MEOX2: variants seen among roughly 807,000 people sequenced by gnomAD.
MEOX2 encodes mesenchyme homeobox 2.
A neutral mutation model predicts 27.0 loss-of-function variants in MEOX2; 11 were observed. That is an observed-to-expected ratio of 0.41 (90% CI 0.26 to 0.68). The LOEUF is 0.68. MEOX2 is among the 30% of genes least tolerant of loss of function. The pLI is 0.33. For missense variants in MEOX2, 436 were observed against 385.4 expected, an observed-to-expected ratio of 1.13 and a Z score of -1.10; for synonymous variants, 189 against 155.4, an observed-to-expected ratio of 1.22 and a Z score of -1.61.
At chr7:15,619,833 C>A (rs1583740101) in intron 2 of MEOX2, among the ~76,000 whole-genome samples, 1 of 152,004 alleles carries the variant, frequency 6.6e-6, no homozygotes, top group South Asian at 2.1e-4. Context: ...TAAATATTTA[C>A]ATTTATTAGG....
In MEOX2 at chr7:15,625,155, C is replaced by T. The variant is rs1781281148; in HGVS notation, c.690+1591G>A. 3.3e-5 allele frequency among the ~76,000 whole-genome samples: 5 copies of T among 152,272 alleles called. 1 individual carries two copies. In the South Asian group the frequency reaches 1.0e-3, roughly 32 times the overall value. On this transcript the variant is annotated intron_variant, in intron 2 of 2. Coordinates refer to ENST00000262041, the MANE Select transcript of MEOX2 (RefSeq NM_005924.5). ...TAGTTCCTTCATCTACTATATAAAA[C>T]ACGGTTGCATTTCCTAGAATTCACC... is the stretch of plus-strand genomic sequence containing the variant.
chr7:15,666,520 A>G (rs1323041118), intron 1 of MEOX2, among the ~76,000 whole-genome samples: 1 of 151,218 alleles, frequency 6.6e-6, no homozygotes, highest in African/African-American at 2.4e-5. Flanking sequence ...TTGGGAGGCC[A>G]AGGCGGGCAG....
intron 1 of MEOX2, among the ~76,000 whole-genome samples, chr7:15,669,034 AAGTC>A (rs1369164854): frequency 2.0e-5 from 3 of 152,206 alleles, no homozygotes; most frequent in Non-Finnish European, 2.9e-5. Flanking sequence ...AATTTGCAAA[AAGTC>A]AGATTTATTA....
At chr7:15,678,628 A>G (rs538464753) in intron 1 of MEOX2, among the ~76,000 whole-genome samples, 1 of 152,234 alleles carries the variant, frequency 6.6e-6, no homozygotes, top group African/African-American at 2.4e-5. Context: ...TGCAGTCCAG[A>G]CAGTGGACAA....
At chr7:15,646,718 C>T (rs1374880515) in intron 1 of MEOX2, among the ~76,000 whole-genome samples, 1 of 151,872 alleles carries the variant, frequency 6.6e-6, no homozygotes, top group East Asian at 1.9e-4. Context: ...TTGAAAAGAG[C>T]ACCAATATTT....
intron 1 of MEOX2, among the ~76,000 whole-genome samples, chr7:15,676,981 A>G (rs773223289): frequency 6.6e-6 from 1 of 152,304 alleles, no homozygotes; most frequent in African/African-American, 2.4e-5. Context: ...GAGAGGTCCA[A>G]GTAAAAGAGG....
At chr7:15,634,135 AC>A (rs1249665165) in intron 1 of MEOX2, among the ~76,000 whole-genome samples, 2 of 151,958 alleles carry the variant, frequency 1.3e-5, no homozygotes, top group Non-Finnish European at 2.9e-5. Context: ...AAAATTTGAA[AC>A]CAAAATCATT....
intron 1 of MEOX2, among the ~76,000 whole-genome samples, chr7:15,633,062 A>G (rs146816135): frequency 6.6e-6 from 1 of 152,002 alleles, no homozygotes; most frequent in East Asian, 1.9e-4. Context: ...AGCTCCCTTC[A>G]AACTCCTTTT....
At chr7:15,680,322 AAATTCAATATTTTTAT>A (rs1782272871) in intron 1 of MEOX2, 1 of 151,984 alleles carries the variant, frequency 6.6e-6, no homozygotes, top group African/African-American at 2.4e-5. Context: ...ATTCTTTAAA[AAATTCAATATTTTTAT>A]AATGTAAGTA....
intron 1 of MEOX2, among the ~76,000 whole-genome samples, chr7:15,639,780 T>C (rs1264356547): frequency 6.6e-6 from 1 of 152,118 alleles, no homozygotes; most frequent in Non-Finnish European, 1.5e-5. Flanking sequence ...ATTAGGAGTG[T>C]GGCTTTATTT....
In MEOX2 at chr7:15,622,663, T is replaced by A. The variant is rs977965318; in HGVS notation, c.690+4083A>T. 4.6e-5 allele frequency among the ~76,000 whole-genome samples: 7 copies of A among 152,186 alleles called. No homozygotes were observed. The South Asian group carries it at 1.0e-3, about 22-fold the overall frequency. ...TAGGGAAGGATGTTGTTTAAGATTATATAGGGTCAAGATATAGATTACATG... is the reference window on the plus strand; with the variant it reads ...TAGGGAAGGATGTTGTTTAAGATTAAATAGGGTCAAGATATAGATTACATG... On this transcript the variant is annotated intron_variant, in intron 2 of 2. Transcript: ENST00000262041.
chr7:15,634,367 C>T (rs571566143), intron 1 of MEOX2, among the ~76,000 whole-genome samples: 45 of 152,052 alleles, frequency 3.0e-4, no homozygotes, highest in African/African-American at 8.2e-4. Context: ...TGTAGCAAAC[C>T]TCAACCCTAA....
At chr7:15,625,221 A>G (rs148643362) in intron 2 of MEOX2, among the ~76,000 whole-genome samples, 1 of 152,212 alleles carries the variant, frequency 6.6e-6, no homozygotes, top group East Asian at 1.9e-4. Flanking sequence ...CTCCCTCCAC[A>G]TACACCTTTT....
intron 1 of MEOX2, among the ~76,000 whole-genome samples, chr7:15,656,902 T>G (rs1781829549): frequency 6.6e-6 from 1 of 152,092 alleles, no homozygotes; most frequent in Admixed American, 6.6e-5. Context: ...TCTCTTAGTC[T>G]TCCTTCACTT....
Position 15,686,253 on chromosome 7 carries a change from G to A in MEOX2, c.150C>T (p.Ile50=). The change falls in exon 1 of 3, where the codon ATC becomes ATT. Residue 50 remains isoleucine, a synonymous_variant. Coordinates refer to ENST00000262041, the MANE Select transcript of MEOX2 (RefSeq NM_005924.5). The stretch of plus-strand genomic sequence containing the variant: ...TGCCCTCTTCGTTGGGGTATCCCGC[G>A]ATTATGCAAGATGAGGAAGAAGTAG... ...ELSTSSSSCI[I]AGYPNEEGMF... The A allele has an allele frequency of 6.2e-7, 1 of 1,612,934 alleles. No individual in the cohort carries two copies. Among genetic ancestry groups the A allele is most frequent in the Non-Finnish European group, 8.5e-7 (1 of 1,179,478 alleles).
At chr7:15,638,791 C>T (rs1781520651) in intron 1 of MEOX2, among the ~76,000 whole-genome samples, 1 of 152,094 alleles carries the variant, frequency 6.6e-6, no homozygotes, top group Non-Finnish European at 1.5e-5. Flanking sequence ...TCCATCTCTA[C>T]TGCTGTAGAG....
intron 1 of MEOX2, among the ~76,000 whole-genome samples, chr7:15,663,442 C>T (rs73060507): frequency 0.21 from 31,543 of 151,480 alleles, 4,120 homozygotes; most frequent in East Asian, 0.4. Flanking sequence ...AAGCAAGTCT[C>T]CTGCCTCAGC....
At chr7:15,617,104 A>G (rs1027516035) in intron 2 of MEOX2, among the ~76,000 whole-genome samples, 1 of 152,032 alleles carries the variant, frequency 6.6e-6, no homozygotes, top group Non-Finnish European at 1.5e-5. Flanking sequence ...ATATAATGCA[A>G]TAACCCATAT....
intron 1 of MEOX2, among the ~76,000 whole-genome samples, chr7:15,636,578 T>C (rs1315459258): frequency 6.6e-6 from 1 of 152,012 alleles, no homozygotes; most frequent in Non-Finnish European, 1.5e-5. Flanking sequence ...TTGTGATTGT[T>C]TTTTGCAAAG....
Sources: gnomAD v4.1 joint callset for allele counts (sites outside exome capture counted in the v4.1 genomes callset) on GRCh38, gnomAD v4.1.1 for gene constraint, MANE v1.5 for transcripts, NCBI Gene and HGNC (gene_info 2026-07-23, HGNC 2026-07-21) for gene names.